Variants in ADAMTS12 observed in about 807,000 individuals in gnomAD.
The protein encoded by ADAMTS12 is ADAM metallopeptidase with thrombospondin type 1 motif 12.
A neutral mutation model predicts 167.8 loss-of-function variants in ADAMTS12; 118 were observed. The ratio of observed to expected loss-of-function variants is 0.70; its 90% CI spans 0.61 to 0.82. The LOEUF (loss-of-function observed/expected upper bound fraction) is 0.82, where lower values mean the gene tolerates loss of function less well. Ranked by LOEUF, ADAMTS12 falls within the 40% of genes least tolerant of loss-of-function variation. ADAMTS12 has a pLI of 0.00. For synonymous variants in ADAMTS12, 704 were observed against 716.9 expected (o/e 0.98, Z 0.29); for missense variants, 1,916 against 1,998.8 (o/e 0.96, Z 0.79).
Position 33,891,813 on chromosome 5 carries a change from A to T in ADAMTS12, c.44T>A (p.Val15Glu). ...QRSWLANLSV[V>E]AQLLNFGALC... ...CGCCCCAAAGTTAAGGAGCTGAGCC[A>T]CCACGGAAAGGTTTGCAAGCCAGCT... Residue 15 changes from valine (V) to glutamate (E), a missense_variant, in exon 1 of 24, where the codon GTG becomes GAG. Val to Glu is a moderately radical substitution (Grantham distance 121). Transcript: ENST00000504830. 1 of 1,614,254 alleles carries T rather than the reference A, an allele frequency of 6.2e-7. No individual in the cohort carries two copies. Among genetic ancestry groups the T allele is most frequent in the Non-Finnish European group, 8.5e-7 (1 of 1,180,038 alleles).
At chr5:33,593,968 C>T (rs532633319) in intron 17 of ADAMTS12, among the ~76,000 whole-genome samples, 1 of 152,168 alleles carries the variant, frequency 6.6e-6, no homozygotes, top group Non-Finnish European at 1.5e-5. Context: ...TGTCTTATGA[C>T]TATTTCATAA....
chr5:33,848,519 T>C (rs1019429890), intron 2 of ADAMTS12, among the ~76,000 whole-genome samples: 10 of 152,230 alleles, frequency 6.6e-5, no homozygotes, highest in African/African-American at 2.4e-4. Flanking sequence ...CATGTCTACA[T>C]CATGAGAAAT....
At chr5:33,675,998 C>A (rs1741887574) in intron 5 of ADAMTS12, among the ~76,000 whole-genome samples, 1 of 152,110 alleles carries the variant, frequency 6.6e-6, no homozygotes, top group African/African-American at 2.4e-5. Flanking sequence ...CAAAACAAAC[C>A]CCCATTCACA....
intron 2 of ADAMTS12, 98 bp downstream of exon 2, chr5:33,881,021 C>G: frequency 1.3e-6 from 2 of 1,515,812 alleles, no homozygotes; most frequent in South Asian, 2.6e-5. Context: ...GTTCAACTCC[C>G]ATATGTCAGT....
At chr5:33,638,506 T>C (rs562658240) in intron 11 of ADAMTS12, among the ~76,000 whole-genome samples, 1 of 152,276 alleles carries the variant, frequency 6.6e-6, no homozygotes, top group African/African-American at 2.4e-5. Context: ...TGCATTTGGA[T>C]AGATTTTTTT....
chr5:33,815,062 T>C (rs949350774), intron 2 of ADAMTS12, among the ~76,000 whole-genome samples: 22 of 152,198 alleles, frequency 1.4e-4, no homozygotes, highest in African/African-American at 4.8e-4. Flanking sequence ...TTGTTATTGT[T>C]GTTAAATATG....
At chr5:33,795,929 T>A (rs555872147) in intron 2 of ADAMTS12, among the ~76,000 whole-genome samples, 1 of 152,328 alleles carries the variant, frequency 6.6e-6, no homozygotes, top group African/African-American at 2.4e-5. Context: ...TCTCTTCCAT[T>A]GTGATAAATA....
intron 16 of ADAMTS12, chr5:33,603,872 C>T (rs1316457141): frequency 6.6e-6 from 1 of 152,054 alleles, no homozygotes; most frequent in Admixed American, 6.6e-5. Flanking sequence ...AAAAATAAGG[C>T]ACCACACTCA....
At chr5:33,695,539 A>G (rs1293077745) in intron 3 of ADAMTS12, among the ~76,000 whole-genome samples, 2 of 152,230 alleles carry the variant, frequency 1.3e-5, no homozygotes, top group African/African-American at 4.8e-5. Context: ...TTGGACACAT[A>G]CTACAACATG....
At chr5:33,769,352 C>A (rs1745659742) in intron 2 of ADAMTS12, among the ~76,000 whole-genome samples, 1 of 152,150 alleles carries the variant, frequency 6.6e-6, no homozygotes, top group Admixed American at 6.5e-5. Flanking sequence ...ACATCAAGTA[C>A]AAATGGAGGG....
intron 2 of ADAMTS12, among the ~76,000 whole-genome samples, chr5:33,807,452 C>T (rs564123633): frequency 1.3e-5 from 2 of 152,286 alleles, no homozygotes; most frequent in East Asian, 3.9e-4. Context: ...CCTTGTTTTC[C>T]TCATCTATAA....
intron 19 of ADAMTS12, among the ~76,000 whole-genome samples, chr5:33,572,698 A>T (rs1175769144): frequency 1.4e-5 from 2 of 147,270 alleles, no homozygotes; most frequent in Non-Finnish European, 3.0e-5. Flanking sequence ...CAAGACAGGG[A>T]TGCCCTCTCT....
chr5:33,790,782 CATATATATATATAT>C (rs10622464), intron 2 of ADAMTS12, among the ~76,000 whole-genome samples: 10 of 134,050 alleles, frequency 7.5e-5, no homozygotes, highest in African/African-American at 2.8e-4. Context: ...GACATACAAA[CATATATATATATAT>C]ATATATATAT....
chr5:33,592,764 A>G (rs1747708865), intron 17 of ADAMTS12, among the ~76,000 whole-genome samples: 1 of 152,208 alleles, frequency 6.6e-6, no homozygotes, highest in Non-Finnish European at 1.5e-5. Flanking sequence ...ACAAGATATT[A>G]CTGAAGAAAA....
chr5:33,568,380 A>G lies in ADAMTS12; in HGVS notation c.3973-7201T>C, dbSNP rs536059022. 5.9e-5 allele frequency among the ~76,000 whole-genome samples: 9 copies of G among 152,342 alleles called. No individual in the cohort carries two copies. The South Asian group carries it at 1.9e-3, about 32-fold the overall frequency. ...GAAATTTTGGAGGTGGTTTGAATTT[A>G]CCTATTTATTGCTTCTAGTCAATTC... On this transcript the variant is annotated intron_variant, in intron 19 of 23. Coordinates refer to ENST00000504830, the MANE Select transcript of ADAMTS12 (RefSeq NM_030955.4).
At chr5:33,627,261 G>A (rs1739700582) in intron 13 of ADAMTS12, among the ~76,000 whole-genome samples, 2 of 148,974 alleles carry the variant, frequency 1.3e-5, no homozygotes, top group African/African-American at 2.5e-5. Context: ...TGGTGGTGGA[G>A]GTAGAGGTAG....
chr5:33,672,321 CACATACACACACACAT>C, intron 5 of ADAMTS12, among the ~76,000 whole-genome samples: 1 of 150,972 alleles, frequency 6.6e-6, no homozygotes, highest in Non-Finnish European at 1.5e-5. Context: ...CACACAGATC[CACATACACACACACAT>C]ACATACACAC....
At chr5:33,833,728 T>A (rs960336597) in intron 2 of ADAMTS12, among the ~76,000 whole-genome samples, 1 of 152,220 alleles carries the variant, frequency 6.6e-6, no homozygotes, top group African/African-American at 2.4e-5. Context: ...AAACTGATGA[T>A]GGCACAGCCA....
chr5:33,870,050 A>T (rs1749975614), intron 2 of ADAMTS12, among the ~76,000 whole-genome samples: 1 of 152,204 alleles, frequency 6.6e-6, no homozygotes, highest in Non-Finnish European at 1.5e-5. Flanking sequence ...TTTTGGCAAT[A>T]AGAGAAATAT....
Sources: gnomAD v4.1 joint callset for allele counts (sites outside exome capture counted in the v4.1 genomes callset) on GRCh38, gnomAD v4.1.1 for gene constraint, MANE v1.5 for transcripts, NCBI Gene and HGNC (gene_info 2026-07-23, HGNC 2026-07-21) for gene names.